Variants in ADAMTSL3 observed in about 807,000 individuals in gnomAD.
The protein encoded by ADAMTSL3 is ADAMTS-like protein 3.
In ADAMTSL3, 128 loss-of-function variants were observed where a neutral mutation model predicts 201.7. The observed-to-expected ratio is 0.63, with a 90% confidence interval of 0.55 to 0.73. ADAMTSL3 has a LOEUF of 0.73. Among genes scored for constraint, ADAMTSL3 ranks in the 30% least tolerant of loss-of-function variants. The probability of loss-of-function intolerance (pLI) is 0.00; values close to 1 mark genes in which losing one functional copy is unlikely to be tolerated. For missense variants in ADAMTSL3, 1,990 were observed against 2,119.6 expected, an observed-to-expected ratio of 0.94 and a Z score of 1.20; for synonymous variants, 738 against 748.4, an observed-to-expected ratio of 0.99 and a Z score of 0.23.
At chr15:83,660,456 G>C (rs992955446) in intron 2 of ADAMTSL3, among the ~76,000 whole-genome samples, 1 of 152,134 alleles carries the variant, frequency 6.6e-6, no homozygotes, top group African/African-American at 2.4e-5. Context: ...ATTCCTTTTA[G>C]GTCAGCCTAG....
At chr15:83,885,621 T>C (rs925515267) in intron 10 of ADAMTSL3, among the ~76,000 whole-genome samples, 2 of 152,134 alleles carry the variant, frequency 1.3e-5, no homozygotes, top group Non-Finnish European at 2.9e-5. Flanking sequence ...GTTCTAACGT[T>C]AGATTTACAA....
intron 27 of ADAMTSL3, among the ~76,000 whole-genome samples, chr15:84,029,038 C>G (rs1262952837): frequency 6.6e-6 from 1 of 152,172 alleles, no homozygotes; most frequent in Non-Finnish European, 1.5e-5. Context: ...AAACCTCTTT[C>G]CTTTGTAAAT....
At chr15:83,763,764 C>A (rs1269071399) in intron 3 of ADAMTSL3, among the ~76,000 whole-genome samples, 1 of 152,188 alleles carries the variant, frequency 6.6e-6, no homozygotes, top group African/African-American at 2.4e-5. Context: ...CTTGGCCTCC[C>A]AAAGTGCTGG....
At chr15:83,788,865 A>G (rs2063303008) in intron 4 of ADAMTSL3, among the ~76,000 whole-genome samples, 1 of 151,874 alleles carries the variant, frequency 6.6e-6, no homozygotes. Flanking sequence ...GCTGGAGTGC[A>G]GTGGCTTGAT....
chr15:83,927,060 A>C (rs1839871411), intron 17 of ADAMTSL3, among the ~76,000 whole-genome samples: 1 of 151,984 alleles, frequency 6.6e-6, no homozygotes. Flanking sequence ...CCCATGCTCC[A>C]GTATTTTGCA....
intron 2 of ADAMTSL3, among the ~76,000 whole-genome samples, chr15:83,703,039 T>G (rs2061798063): frequency 6.6e-6 from 1 of 152,142 alleles, no homozygotes; most frequent in African/African-American, 2.4e-5. Context: ...TGCCTCAGCG[T>G]GACCTGGACA....
chr15:84,002,234 C>T (rs1432892952), intron 23 of ADAMTSL3, among the ~76,000 whole-genome samples: 1 of 152,258 alleles, frequency 6.6e-6, no homozygotes, highest in South Asian at 2.1e-4. Context: ...CTTCAAACAC[C>T]TATCAAATTT....
chr15:83,904,938 A>G (rs1454531828), intron 15 of ADAMTSL3, among the ~76,000 whole-genome samples: 1 of 152,226 alleles, frequency 6.6e-6, no homozygotes, highest in Non-Finnish European at 1.5e-5. Flanking sequence ...TAACAACAAC[A>G]ATGATAACAA....
chr15:83,759,318 C>T (rs951549287), intron 3 of ADAMTSL3, among the ~76,000 whole-genome samples: 17 of 151,958 alleles, frequency 1.1e-4, no homozygotes, highest in East Asian at 3.9e-4. Context: ...CTCTGCTTCC[C>T]GGGTTCACGC....
intron 3 of ADAMTSL3, among the ~76,000 whole-genome samples, chr15:83,724,149 A>G (rs1462901861): frequency 1.3e-5 from 2 of 151,436 alleles, no homozygotes; most frequent in Non-Finnish European, 2.9e-5. Context: ...GCCAGGCTGG[A>G]GTGCAGTGAT....
At chr15:84,008,942 C>A (rs1272601554) in intron 23 of ADAMTSL3, among the ~76,000 whole-genome samples, 2 of 152,114 alleles carry the variant, frequency 1.3e-5, no homozygotes, top group African/African-American at 4.8e-5. Flanking sequence ...CACTACCCCA[C>A]CCCCATCAAA....
chr15:84,002,253 A>T (rs2067804008), intron 23 of ADAMTSL3, among the ~76,000 whole-genome samples: 1 of 152,198 alleles, frequency 6.6e-6, no homozygotes, highest in Non-Finnish European at 1.5e-5. Flanking sequence ...TTCAGACTTC[A>T]TTGCAAAAAA....
chr15:83,904,635 C>T (rs2065799792), intron 15 of ADAMTSL3, among the ~76,000 whole-genome samples: 1 of 152,176 alleles, frequency 6.6e-6, no homozygotes. Flanking sequence ...AACTGCAGTA[C>T]TGACCTTCTT....
intron 2 of ADAMTSL3, among the ~76,000 whole-genome samples, chr15:83,684,373 C>T (rs1395508484): frequency 3.3e-5 from 5 of 152,154 alleles, no homozygotes; most frequent in African/African-American, 9.7e-5. Context: ...ACTTTTGCTA[C>T]ATATTTCTAA....
chr15:84,010,315 A>G (rs1156975914), intron 23 of ADAMTSL3, among the ~76,000 whole-genome samples: 1 of 152,184 alleles, frequency 6.6e-6, no homozygotes, highest in Non-Finnish European at 1.5e-5. Flanking sequence ...CTAAATTACC[A>G]TAGATTCCAA....
At chr15:83,920,334 A>T (rs946618737) in intron 16 of ADAMTSL3, among the ~76,000 whole-genome samples, 9 of 152,184 alleles carry the variant, frequency 5.9e-5, no homozygotes, top group African/African-American at 2.2e-4. Flanking sequence ...ATAATTGGTC[A>T]CTTCCGCTCA....
chr15:84,032,090 C>T (rs2068419975), intron 28 of ADAMTSL3, among the ~76,000 whole-genome samples: 1 of 152,140 alleles, frequency 6.6e-6, no homozygotes, highest in Non-Finnish European at 1.5e-5. Context: ...TAATCGGGGG[C>T]TTGGGAGTTC....
intron 2 of ADAMTSL3, among the ~76,000 whole-genome samples, chr15:83,657,983 C>T (rs1022033995): frequency 3.3e-5 from 5 of 152,184 alleles, no homozygotes; most frequent in African/African-American, 1.2e-4. Flanking sequence ...TTAAGGTGTT[C>T]CCTGGCGTCT....
Position 84,025,291 on chromosome 15 carries a change from A to G in ADAMTSL3, c.4511A>G (p.His1504Arg). ...QCSVSCGEGY[H>R]SRQVTCKRTK... ...TCTGTGTCTTGCGGTGAAGGATACC[A>G]CAGTCGGCAGGTGACGTGCAAGCGG... Residue 1504 changes from histidine (H) to arginine (R), a missense_variant, in exon 27 of 30, where the codon CAC becomes CGC. Coordinates refer to ENST00000286744, the MANE Select transcript of ADAMTSL3 (RefSeq NM_207517.3). 1 of 1,613,916 alleles carries G rather than the reference A, an allele frequency of 6.2e-7. No homozygotes were observed. Among genetic ancestry groups the G allele is most frequent in the Middle Eastern group, 1.6e-4 (1 of 6,062 alleles).
Sources: gnomAD v4.1 joint callset for allele counts (sites outside exome capture counted in the v4.1 genomes callset) on GRCh38, gnomAD v4.1.1 for gene constraint, MANE v1.5 for transcripts, NCBI Gene and HGNC (gene_info 2026-07-23, HGNC 2026-07-21) for gene names.